Variants in ITIH5 observed in about 807,000 individuals in gnomAD.
ITIH5 encodes inter-alpha-trypsin inhibitor heavy chain 5.
A neutral mutation model predicts 77.5 loss-of-function variants in ITIH5; 65 were observed. That is an observed-to-expected ratio of 0.84 (90% CI 0.69 to 1.03). The LOEUF is 1.03. Among genes scored for constraint, ITIH5 ranks in the 50% least tolerant of loss-of-function variants. The probability of loss-of-function intolerance (pLI) is 0.00; values close to 1 mark genes in which losing one functional copy is unlikely to be tolerated. For missense variants in ITIH5, 1,208 were observed against 1,213.1 expected (o/e 1.00, Z 0.06); for synonymous variants, 525 against 494.3 (o/e 1.06, Z -0.82).
intron 5 of ITIH5, among the ~76,000 whole-genome samples, chr10:7,635,326 T>G (rs1833782016): frequency 6.6e-6 from 1 of 152,240 alleles, no homozygotes; most frequent in South Asian, 2.1e-4. Context: ...CACTTCACAA[T>G]GACCCATGAG....
chr10:7,592,084 T>A (rs922136896), intron 7 of ITIH5, among the ~76,000 whole-genome samples: 1 of 152,122 alleles, frequency 6.6e-6, no homozygotes, highest in Non-Finnish European at 1.5e-5. Context: ...TTGGCCAGGA[T>A]GGTATCGATC....
intron 1 of ITIH5, among the ~76,000 whole-genome samples, chr10:7,662,504 A>G (rs1834293268): frequency 6.6e-6 from 1 of 152,134 alleles, no homozygotes; most frequent in Admixed American, 6.5e-5. Context: ...TCCTAAATCG[A>G]CCTACTCCAC....
chr10:7,627,859 G>C (rs1205037589), intron 5 of ITIH5, among the ~76,000 whole-genome samples: 1 of 73,710 alleles, frequency 1.4e-5, no homozygotes, highest in African/African-American at 6.1e-5. Context: ...TTTTTTTTGA[G>C]ACAGAGTCTT....
At chr10:7,580,118 T>A in intron 8 of ITIH5, 54 bp from the exon 9 acceptor site, 1 of 1,412,362 alleles carries the variant, frequency 7.1e-7, no homozygotes. Flanking sequence ...CTCCGCACTC[T>A]GATTGCACTT....
At position 7,644,928 on chromosome 10, in the gene ITIH5, TATATATATCACATATATATATATCA is replaced by T. The variant is rs1564278535; in HGVS notation, c.136-2863_136-2839del. Among the ~76,000 whole-genome samples the T allele has an allele frequency of 5.5e-4, 38 of 68,992 alleles. 3 individuals are homozygous for T. Among genetic ancestry groups the T allele is most frequent in the African/African-American group, 2.1e-3 (37 of 17,940 alleles). The allele number at this position is 68,992 out of a possible 152,430, so 45.3% of individuals were successfully genotyped here. A position where few individuals can be genotyped will look rare whatever the true frequency, so the allele number is the denominator to read the frequency against. On this transcript the variant is annotated intron_variant, in intron 2 of 13. Transcript: ENST00000397146. ...ATATATATCACATATATATATCACA[TATATATATCACATATATATATATCA>T]CACATATATATATATATATCAAGCA...
At chr10:7,602,006 C>A (rs76401582) in intron 7 of ITIH5, among the ~76,000 whole-genome samples, 2,536 of 152,226 alleles carry the variant, frequency 0.017, 58 homozygotes, top group African/African-American at 0.056. Context: ...GTACGTGCCA[C>A]CACGCAGGGC....
At chr10:7,603,844 A>C (rs1318717903) in intron 7 of ITIH5, among the ~76,000 whole-genome samples, 1 of 152,034 alleles carries the variant, frequency 6.6e-6, no homozygotes, top group Admixed American at 6.5e-5. Flanking sequence ...CGGCCTCCCA[A>C]AGTGCTGGGA....
chr10:7,578,121 C>T (rs1832463285), intron 9 of ITIH5, among the ~76,000 whole-genome samples: 1 of 152,200 alleles, frequency 6.6e-6, no homozygotes, highest in Admixed American at 6.5e-5. Flanking sequence ...TTAAGGACAA[C>T]ACCTGAGGGA....
chr10:7,574,870 C>A (rs1446951820), intron 10 of ITIH5, among the ~76,000 whole-genome samples: 2 of 150,356 alleles, frequency 1.3e-5, no homozygotes, highest in South Asian at 2.1e-4. Context: ...GTCTTTCTGG[C>A]CCCCCGAGTC....
intron 7 of ITIH5, among the ~76,000 whole-genome samples, chr10:7,613,870 A>G (rs1164692745): frequency 6.6e-6 from 1 of 152,202 alleles, no homozygotes; most frequent in Admixed American, 6.5e-5. Context: ...TCTGCAGTCC[A>G]GCTTCGTGCC....
chr10:7,641,851 C>G (rs1347095818), intron 3 of ITIH5, 76 bp downstream of exon 3: 57 of 1,210,902 alleles, frequency 4.7e-5, no homozygotes, highest in Non-Finnish European at 6.7e-5. Context: ...AGTCACAAGG[C>G]TGTGGACCTC....
At chr10:7,602,709 C>G (rs987372350) in intron 7 of ITIH5, among the ~76,000 whole-genome samples, 1 of 152,126 alleles carries the variant, frequency 6.6e-6, no homozygotes, top group Non-Finnish European at 1.5e-5. Context: ...AGTGTGAGAA[C>G]AAACTCATAT....
chr10:7,567,658 TA>T (rs1347311705), intron 12 of ITIH5, among the ~76,000 whole-genome samples: 1 of 152,200 alleles, frequency 6.6e-6, no homozygotes, highest in African/African-American at 2.4e-5. Context: ...TGGGAGAATG[TA>T]AACTTAGTTG....
chr10:7,643,725 T>A (rs2131084568), intron 2 of ITIH5, among the ~76,000 whole-genome samples: 1 of 152,356 alleles, frequency 6.6e-6, no homozygotes, highest in East Asian at 1.9e-4. Context: ...AGGCCTGTTT[T>A]CAAAACAGAT....
At position 7,579,259 on chromosome 10, in the gene ITIH5, C is replaced by T. The variant is rs139467781; in HGVS notation, c.1418+496G>A. On this transcript the variant is annotated intron_variant, in intron 9 of 13. Transcript: ENST00000397146. ...TCTTGCTTAGGGCCGGGTGTGGTGG[C>T]TCACGCCCATAATCCCAGTACTTTG... Among the ~76,000 whole-genome samples, 684 of 152,340 alleles carry T rather than the reference C, an allele frequency of 4.5e-3. 7 individuals carry two copies. Among genetic ancestry groups the T allele is most frequent in the African/African-American group, 0.015 (633 of 41,586 alleles).
intron 7 of ITIH5, among the ~76,000 whole-genome samples, chr10:7,602,098 C>T (rs1322068228): frequency 6.6e-5 from 10 of 152,152 alleles, no homozygotes; most frequent in Non-Finnish European, 1.3e-4. Context: ...AGGTGATCCG[C>T]CTGCCTCAGC....
chr10:7,612,821 G>GC (rs1214326921), intron 7 of ITIH5, among the ~76,000 whole-genome samples: 1 of 152,174 alleles, frequency 6.6e-6, no homozygotes, highest in African/African-American at 2.4e-5. Flanking sequence ...TCGTATGTAA[G>GC]CCTAATTAAC....
At chr10:7,565,692 TAC>T (rs2062751319) in intron 13 of ITIH5, among the ~76,000 whole-genome samples, 1 of 148,942 alleles carries the variant, frequency 6.7e-6, no homozygotes, top group Admixed American at 6.7e-5. Flanking sequence ...CACATACATA[TAC>T]AGACTGCATA....
At chr10:7,582,320 G>T (rs1055011249) in intron 8 of ITIH5, among the ~76,000 whole-genome samples, 1 of 152,192 alleles carries the variant, frequency 6.6e-6, no homozygotes, top group African/African-American at 2.4e-5. Context: ...ACAGGTGGTT[G>T]GGTGGTTGAG....
Sources: allele counts gnomAD v4.1 joint callset (sites outside exome capture counted in the v4.1 genomes callset), GRCh38; gene constraint gnomAD v4.1.1; transcripts MANE v1.5; gene names NCBI Gene and HGNC (gene_info 2026-07-23, HGNC 2026-07-21).